Variants in POLR1A observed in about 807,000 individuals in gnomAD.
The protein encoded by POLR1A is DNA-directed RNA polymerase I subunit RPA1.
In POLR1A, 84 loss-of-function variants were observed where a neutral mutation model predicts 205.3. The ratio of observed to expected loss-of-function variants is 0.41; its 90% CI spans 0.34 to 0.49. The LOEUF is 0.49. Ranked by LOEUF, POLR1A falls within the 20% of genes least tolerant of loss-of-function variation. POLR1A has a pLI of 0.22. For synonymous variants in POLR1A, 799 were observed against 863.7 expected (o/e 0.93, Z 1.31); for missense variants, 1,645 against 2,204.5 (o/e 0.75, Z 5.08).
chr2:86,048,702 C>A (rs1050496316), intron 18 of POLR1A, among the ~76,000 whole-genome samples, 182 bp downstream of exon 18: 3 of 152,232 alleles, frequency 2.0e-5, no homozygotes, highest in Non-Finnish European at 2.9e-5. Context: ...CTAACTGGGG[C>A]AGGGAACAAA....
rs1418025711 is a variant in POLR1A, at chr2:86,022,918, C to G, written c.*4505G>C. ...TTTTTTTTCCTAAGACGGAGTCTCA[C>G]TCTGTTGCCCAGGCTGGAGTGACAT... On this transcript the variant is annotated 3_prime_UTR_variant, in exon 34 of 34. Transcript: ENST00000263857. The G allele has an allele frequency of 1.3e-5, 2 of 152,038 alleles. No homozygotes were observed. The highest frequency in any genetic ancestry group is 3.1e-3 in the Middle Eastern group (1 of 318). 9.4% of individuals were successfully genotyped at this position (152,038 alleles called of 1,614,324 possible).
chr2:86,082,203 T>C (rs943195660), intron 7 of POLR1A, among the ~76,000 whole-genome samples: 6 of 152,206 alleles, frequency 3.9e-5, no homozygotes, highest in African/African-American at 4.8e-5. Context: ...GGGGATATGA[T>C]AGCATAAAAA....
chr2:86,060,526 A>T (rs945169508), intron 14 of POLR1A, among the ~76,000 whole-genome samples: 1 of 152,258 alleles, frequency 6.6e-6, no homozygotes, highest in Non-Finnish European at 1.5e-5. Context: ...GTCCAGAAAC[A>T]TACCCACTCA....
At chr2:86,056,410 C>A (rs1672898066) in intron 14 of POLR1A, among the ~76,000 whole-genome samples, 1 of 151,734 alleles carries the variant, frequency 6.6e-6, no homozygotes, top group Non-Finnish European at 1.5e-5. Flanking sequence ...CGAGATTGCG[C>A]CACTACACTC....
At chr2:86,038,260 G>A (rs532858083) in intron 27 of POLR1A, among the ~76,000 whole-genome samples, 21 of 152,306 alleles carry the variant, frequency 1.4e-4, no homozygotes, top group African/African-American at 5.1e-4. Flanking sequence ...CCCGCACATT[G>A]TTCATTATTC....
chr2:86,054,280 T>C lies in POLR1A; in HGVS notation c.2068A>G (p.Thr690Ala). Residue 690 changes from threonine to alanine, a missense_variant, in exon 15 of 34, where the codon ACG becomes GCG. Transcript: ENST00000263857. ...TCTGGGATTATATTTATGAGCAGCG[T>C]TGACACAACCTGCAAAGAAAAAGAG... is the stretch of plus-strand genomic sequence containing the variant. ...PLWTGKQVVSTLLINIIPEDH... is the reference protein window; with the variant it reads ...PLWTGKQVVSALLINIIPEDH... The C allele has an allele frequency of 3.7e-6, 6 of 1,613,990 alleles. No individual in the cohort carries two copies. Among genetic ancestry groups the C allele is most frequent in the Non-Finnish European group, 5.1e-6 (6 of 1,179,906 alleles).
rs1229654739 is a variant in POLR1A, at chr2:86,043,010, A to G, written c.3321T>C (p.Ser1107=). The G allele has an allele frequency of 6.2e-7, 1 of 1,613,870 alleles. No individual in the cohort carries two copies. Among genetic ancestry groups the G allele is most frequent in the Non-Finnish European group, 8.5e-7 (1 of 1,179,990 alleles). ...CAGGGCTGCGGCCATTGCGGTTTTC[A>G]CTCTCAAGTTTCAGGGCTTTCACAG... The part of the protein sequence containing the change: ...QEAVKALKLE[S]ENRNGRSPGT... The change falls in exon 23 of 34, where the codon AGT becomes AGC. Residue 1107 remains serine (S), a synonymous_variant. Transcript: ENST00000263857.
chr2:86,031,597 G>A lies in POLR1A; in HGVS notation c.4311C>T (p.Gly1437=), dbSNP rs552902907. Residue 1437 remains glycine (G), a synonymous_variant, in exon 30 of 34, where the codon GGC becomes GGT. Transcript: ENST00000263857. Reference sequence around the variant, plus strand: ...GCATGTCTTCATCGTCGTTCTCCTCGCCCTCCCTCTCCTCCTCTTCCTCAC... The same window carrying A: ...GCATGTCTTCATCGTCGTTCTCCTCACCCTCCCTCTCCTCCTCTTCCTCAC... ...YESEEEEERE[G]EENDDEDMQE... 8.8e-5 allele frequency: 142 copies of A among 1,612,738 alleles called. 1 individual carries two copies. The highest frequency in any genetic ancestry group is 6.6e-4 in the South Asian group (60 of 91,024).
intron 3 of POLR1A, among the ~76,000 whole-genome samples, chr2:86,097,214 C>CAAAAAAAAAAAAAAAAA (rs757210116): frequency 0.015 from 605 of 39,698 alleles, 225 homozygotes; most frequent in East Asian, 0.026. Context: ...CCCCAAAAGA[C>CAAAAAAAAAAAAAAAAA]AAAAAAAAAA....
chr2:86,084,905 T>C (rs1300029730), intron 6 of POLR1A, among the ~76,000 whole-genome samples: 1 of 152,172 alleles, frequency 6.6e-6, no homozygotes, highest in African/African-American at 2.4e-5. Context: ...TGGAGAACAA[T>C]TAACAAATGC....
intron 14 of POLR1A, among the ~76,000 whole-genome samples, chr2:86,061,724 A>G (rs1672999405): frequency 6.6e-6 from 1 of 152,248 alleles, no homozygotes; most frequent in South Asian, 2.1e-4. Context: ...ACTATATACA[A>G]TAACATGGGT....
At chr2:86,093,203 G>A (rs897042624) in intron 3 of POLR1A, among the ~76,000 whole-genome samples, 3 of 152,192 alleles carry the variant, frequency 2.0e-5, no homozygotes, top group Admixed American at 1.3e-4. Context: ...TCCTTAATCC[G>A]ATTAAAAGCT....
rs983021429 is a variant in POLR1A, at chr2:86,022,267, G to A, written c.*5156C>T. The A allele has an allele frequency of 2.0e-5, 3 of 152,248 alleles. No homozygotes were observed. The highest frequency in any genetic ancestry group is 2.9e-5 in the Non-Finnish European group (2 of 68,094). The allele number at this position is 152,248 out of a possible 1,614,324, so 9.4% of individuals were successfully genotyped here. A position where few individuals can be genotyped will look rare whatever the true frequency, so the allele number is the denominator to read the frequency against. On this transcript the variant is annotated 3_prime_UTR_variant, in exon 34 of 34. Coordinates refer to ENST00000263857, the MANE Select transcript of POLR1A (RefSeq NM_015425.6). ...TTCTTTCAGGCTTTGTTGAGCCCCA[G>A]GTGGAGCTGATGGTGGCATCCTTTG... is the stretch of plus-strand genomic sequence containing the variant.
intron 27 of POLR1A, among the ~76,000 whole-genome samples, chr2:86,036,527 G>A (rs1356721802): frequency 1.3e-5 from 2 of 152,268 alleles, no homozygotes; most frequent in East Asian, 1.9e-4. Flanking sequence ...GGAAGGGGGA[G>A]GGATGGGAGA....
intron 11 of POLR1A, among the ~76,000 whole-genome samples, chr2:86,076,071 T>C (rs987502279): frequency 6.6e-6 from 1 of 152,204 alleles, no homozygotes; most frequent in Non-Finnish European, 1.5e-5. Flanking sequence ...GACGCATTCC[T>C]CTGATACCTA....
chr2:86,099,830 T>G, intron 2 of POLR1A, 138 bp downstream of exon 2: 1 of 676,604 alleles, frequency 1.5e-6, no homozygotes, highest in Non-Finnish European at 2.6e-6. Context: ...GGCTCAAAAC[T>G]TCAAAATCTC....
rs1672249090 is a variant in POLR1A, at chr2:86,026,409, A to T, written c.*1014T>A. On this transcript the variant is annotated 3_prime_UTR_variant, in exon 34 of 34. Coordinates refer to ENST00000263857, the MANE Select transcript of POLR1A (RefSeq NM_015425.6). The stretch of plus-strand genomic sequence containing the variant: ...TAATTACCCGCCCTGAGCTGAAATA[A>T]CAGTAGACAAAGATAGAAGCTAGCC... The T allele has an allele frequency of 6.6e-6, 1 of 152,230 alleles. No homozygotes were observed. Among genetic ancestry groups the T allele is most frequent in the Non-Finnish European group, 1.5e-5 (1 of 68,030 alleles). The allele number at this position is 152,230 out of a possible 1,614,324, so 9.4% of individuals were successfully genotyped here. A position where few individuals can be genotyped will look rare whatever the true frequency, so the allele number is the denominator to read the frequency against.
intron 26 of POLR1A, 51 bp from the exon 27 acceptor site, chr2:86,038,908 T>C (rs1672548223): frequency 1.3e-6 from 2 of 1,563,020 alleles, no homozygotes; most frequent in Admixed American, 1.7e-5. Context: ...CCTAGGTGAC[T>C]GCGCAATGTG....
At chr2:86,085,086 C>T (rs917339908) in intron 6 of POLR1A, among the ~76,000 whole-genome samples, 21 of 152,146 alleles carry the variant, frequency 1.4e-4, no homozygotes, top group South Asian at 6.2e-4. Flanking sequence ...CTCAGCCTCC[C>T]GAGTAGCTGG....
Sources: allele counts gnomAD v4.1 joint callset (sites outside exome capture counted in the v4.1 genomes callset), GRCh38; gene constraint gnomAD v4.1.1; transcripts MANE v1.5; gene names NCBI Gene and HGNC (gene_info 2026-07-23, HGNC 2026-07-21).